RABGAP1L: variants seen among roughly 807,000 people sequenced by gnomAD.
The protein encoded by RABGAP1L is rab GTPase-activating protein 1-like.
Under a neutral mutation model 137.7 loss-of-function variants are expected in RABGAP1L, and 63 were observed. The ratio of observed to expected loss-of-function variants is 0.46; its 90% CI spans 0.37 to 0.56. RABGAP1L has a LOEUF of 0.56. Among genes scored for constraint, RABGAP1L ranks in the 20% least tolerant of loss-of-function variants. The pLI is 0.00. For missense variants in RABGAP1L, 1,095 were observed against 1,244.0 expected, an observed-to-expected ratio of 0.88 and a Z score of 1.80; for synonymous variants, 431 against 433.7, an observed-to-expected ratio of 0.99 and a Z score of 0.08.
chr1:174,563,340 A>G (rs934994683), intron 13 of RABGAP1L, among the ~76,000 whole-genome samples: 3 of 152,312 alleles, frequency 2.0e-5, no homozygotes, highest in South Asian at 2.1e-4. Flanking sequence ...GTTATTGCAT[A>G]TATTTGTGCT....
At chr1:174,632,683 A>G (rs567713109) in intron 13 of RABGAP1L, among the ~76,000 whole-genome samples, 95 of 149,196 alleles carry the variant, frequency 6.4e-4, no homozygotes, top group Non-Finnish European at 8.3e-4. Flanking sequence ...AGTTGATCGC[A>G]TCGGCTCCTG....
chr1:174,220,996 T>C lies in RABGAP1L; in HGVS notation c.163T>C (p.Leu55=). 6.2e-7 allele frequency: 1 copy of C among 1,611,468 alleles called. No homozygotes were observed. The highest frequency in any genetic ancestry group is 8.5e-7 in the Non-Finnish European group (1 of 1,178,726). Residue 55 remains leucine (L), a synonymous_variant, in exon 3 of 26, where the codon TTG becomes CTG. Coordinates refer to ENST00000681986, the MANE Select transcript of RABGAP1L (RefSeq NM_001366446.1). The part of the protein sequence containing the change: ...LKIVSNGDEQ[L]EKAMEEILRD... ...GATAGTTTCTAATGGTGATGAACAA[T>C]TGGAAAAAGCCATGGAAGAGATTTT...
intron 18 of RABGAP1L, among the ~76,000 whole-genome samples, chr1:174,772,137 G>A (rs941494745): frequency 9.2e-5 from 14 of 152,152 alleles, no homozygotes; most frequent in African/African-American, 3.1e-4. Flanking sequence ...GGCAGAGGTT[G>A]CAGTGAGCTG....
intron 19 of RABGAP1L, among the ~76,000 whole-genome samples, chr1:174,955,786 G>A (rs1312051576): frequency 1.3e-5 from 2 of 152,118 alleles, no homozygotes; most frequent in Admixed American, 1.3e-4. Context: ...GTGTTGCTGT[G>A]TAAAGGAATC....
intron 21 of RABGAP1L, 171 bp from the exon 22 acceptor site, chr1:174,975,907 A>G (rs1359019026): frequency 6.8e-6 from 4 of 585,712 alleles, no homozygotes; most frequent in Non-Finnish European, 6.2e-6. Context: ...GATGGCACAT[A>G]GTTGGCATTC....
intron 14 of RABGAP1L, among the ~76,000 whole-genome samples, chr1:174,644,081 C>T (rs1674758105): frequency 6.6e-6 from 1 of 151,800 alleles, no homozygotes; most frequent in South Asian, 2.1e-4. Context: ...TTTTGGTCCT[C>T]TTTAATATAC....
At chr1:174,291,686 G>C (rs548413337) in intron 10 of RABGAP1L, among the ~76,000 whole-genome samples, 126 of 152,062 alleles carry the variant, frequency 8.3e-4, no homozygotes, top group African/African-American at 1.7e-3. Context: ...TGAAATGTTG[G>C]TGATTTGTCT....
chr1:174,224,346 A>G (rs111829599), intron 3 of RABGAP1L, among the ~76,000 whole-genome samples: 2,152 of 152,198 alleles, frequency 0.014, 64 homozygotes, highest in African/African-American at 0.05. Flanking sequence ...ATGGTGGTTC[A>G]TGCCTGTAAT....
chr1:174,384,573 A>G (rs1571547199), intron 12 of RABGAP1L, among the ~76,000 whole-genome samples: 1 of 152,210 alleles, frequency 6.6e-6, no homozygotes, highest in East Asian at 1.9e-4. Context: ...GGCTATTTGA[A>G]GTGTGTTCTT....
chr1:174,271,868 G>A (rs751743494), intron 7 of RABGAP1L, among the ~76,000 whole-genome samples: 1 of 151,766 alleles, frequency 6.6e-6, no homozygotes, highest in Non-Finnish European at 1.5e-5. Context: ...TAGTAATAAA[G>A]TTTGCATAAC....
chr1:174,518,768 G>C (rs561138189), intron 13 of RABGAP1L, among the ~76,000 whole-genome samples: 1 of 152,294 alleles, frequency 6.6e-6, no homozygotes, highest in African/African-American at 2.4e-5. Context: ...TGCTGTTAGA[G>C]GAATATGCAT....
intron 13 of RABGAP1L, among the ~76,000 whole-genome samples, chr1:174,589,787 C>T (rs1321968613): frequency 6.6e-6 from 1 of 152,128 alleles, no homozygotes; most frequent in African/African-American, 2.4e-5. Context: ...GGATTTACTT[C>T]TGGATTCTTT....
intron 14 of RABGAP1L, among the ~76,000 whole-genome samples, chr1:174,641,259 T>C (rs1674512546): frequency 6.6e-6 from 1 of 152,046 alleles, no homozygotes; most frequent in Non-Finnish European, 1.5e-5. Flanking sequence ...TGATTTGAAC[T>C]GTCACATTAG....
chr1:174,503,118 G>A lies in RABGAP1L; in HGVS notation c.1710+108973G>A, dbSNP rs7546404. 2.5e-3 allele frequency among the ~76,000 whole-genome samples: 375 copies of A among 152,200 alleles called. 2 individuals carry two copies. Among genetic ancestry groups the A allele is most frequent in the African/African-American group, 8.2e-3 (341 of 41,538 alleles). ...TCCATGTTGCGAAGTCAGTAGATAA[G>A]GGGTTTGCAAACTATGACCTGGAGT... On this transcript the variant is annotated intron_variant, in intron 13 of 25. Transcript: ENST00000681986.
intron 18 of RABGAP1L, among the ~76,000 whole-genome samples, chr1:174,757,340 T>A (rs1422661933): frequency 6.6e-6 from 1 of 152,106 alleles, no homozygotes; most frequent in Non-Finnish European, 1.5e-5. Flanking sequence ...TTATCTGATA[T>A]CTCTGGGGTA....
intron 11 of RABGAP1L, among the ~76,000 whole-genome samples, chr1:174,357,794 T>C (rs1403368140): frequency 6.6e-6 from 1 of 152,246 alleles, no homozygotes; most frequent in East Asian, 1.9e-4. Flanking sequence ...TGTCTCCACT[T>C]TCCTCTCATG....
intron 13 of RABGAP1L, among the ~76,000 whole-genome samples, chr1:174,446,549 A>G (rs144096237): frequency 9.8e-4 from 150 of 152,346 alleles, no homozygotes; most frequent in Non-Finnish European, 1.2e-3. Flanking sequence ...CCTGATATCA[A>G]AATGACCTTG....
intron 18 of RABGAP1L, chr1:174,799,966 A>G (rs919093706): frequency 1.2e-6 from 1 of 836,804 alleles, no homozygotes; most frequent in Admixed American, 7.6e-5. Context: ...ACACACACAC[A>G]CACACACACA....
intron 18 of RABGAP1L, among the ~76,000 whole-genome samples, chr1:174,776,507 A>G (rs1265456078): frequency 2.0e-5 from 3 of 152,246 alleles, no homozygotes; most frequent in Non-Finnish European, 4.4e-5. Context: ...GATCAAACAA[A>G]TGACTCTTTT....
Sources: gnomAD v4.1 joint callset for allele counts (sites outside exome capture counted in the v4.1 genomes callset) on GRCh38, gnomAD v4.1.1 for gene constraint, MANE v1.5 for transcripts, NCBI Gene and HGNC (gene_info 2026-07-23, HGNC 2026-07-21) for gene names.